Variants in FARSB observed in about 807,000 individuals in gnomAD.
The protein encoded by FARSB is phenylalanine--tRNA ligase beta subunit.
FARSB carries 40 observed loss-of-function variants against 69.6 expected under a neutral mutation model. The observed-to-expected ratio is 0.57, with a 90% CI of 0.45 to 0.75. The LOEUF is 0.75. Among genes scored for constraint, FARSB ranks in the 30% least tolerant of loss-of-function variants. The pLI, the probability that FARSB is intolerant of heterozygous loss-of-function variation, is 0.00. For synonymous variants in FARSB, 235 were observed against 247.2 expected (o/e 0.95, Z 0.46); for missense variants, 632 against 722.9 (o/e 0.87, Z 1.44).
rs150626158 is a variant in FARSB at position 222,571,257 on chromosome 2, G to C, written c.*614C>G. The C allele has an allele frequency of 6.6e-6, 1 of 152,260 alleles. No homozygotes were observed. Among genetic ancestry groups the C allele is most frequent in the East Asian group, 1.9e-4 (1 of 5,174 alleles). 9.4% of individuals were successfully genotyped at this position (152,260 alleles called of 1,614,324 possible). On this transcript the variant is annotated 3_prime_UTR_variant, in exon 17 of 17. Transcript: ENST00000281828. The stretch of plus-strand genomic sequence containing the variant: ...ATGTACTCTATCTTAGAGTATCACA[G>C]ATAGAGTAAAAAATACCTATGCACC...
intron 16 of FARSB, among the ~76,000 whole-genome samples, chr2:222,579,550 C>G (rs1689918920): frequency 1.3e-5 from 2 of 152,168 alleles, no homozygotes; most frequent in Non-Finnish European, 2.9e-5. Context: ...ACAAGTACCA[C>G]AGGGACACCA....
At chr2:222,584,739 A>G (rs994820822) in intron 16 of FARSB, among the ~76,000 whole-genome samples, 1 of 152,192 alleles carries the variant, frequency 6.6e-6, no homozygotes, top group Admixed American at 6.5e-5. Context: ...AGCCTCGCTC[A>G]CTGCTAGCAC....
intron 15 of FARSB, 113 bp from the exon 16 acceptor site, chr2:222,600,196 C>T: frequency 1.2e-6 from 1 of 803,932 alleles, no homozygotes; most frequent in South Asian, 1.9e-5. Flanking sequence ...AAATATTAAA[C>T]ATTCAGAGAA....
intron 2 of FARSB, among the ~76,000 whole-genome samples, chr2:222,646,687 T>C (rs1691869417): frequency 2.0e-5 from 3 of 152,242 alleles, no homozygotes; most frequent in Non-Finnish European, 2.9e-5. Context: ...TTAGTTGTGC[T>C]AAAATATCCA....
At chr2:222,572,984 A>G (rs1166981818) in intron 16 of FARSB, among the ~76,000 whole-genome samples, 1 of 152,222 alleles carries the variant, frequency 6.6e-6, no homozygotes, top group East Asian at 1.9e-4. Flanking sequence ...GGCATAAACT[A>G]TAAACACCCA....
chr2:222,619,254 C>T (rs1002660990), intron 14 of FARSB, among the ~76,000 whole-genome samples: 2 of 150,370 alleles, frequency 1.3e-5, no homozygotes, highest in East Asian at 2.0e-4. Context: ...TGCAGTGAGC[C>T]GAGATCGTGC....
At chr2:222,591,891 T>TA (rs1478139346) in intron 16 of FARSB, among the ~76,000 whole-genome samples, 2 of 152,190 alleles carry the variant, frequency 1.3e-5, no homozygotes, top group Non-Finnish European at 2.9e-5. Context: ...TACATGTAGA[T>TA]ACAAGAATGA....
intron 15 of FARSB, among the ~76,000 whole-genome samples, chr2:222,611,370 T>C (rs996765140): frequency 6.6e-6 from 1 of 150,790 alleles, no homozygotes; most frequent in Non-Finnish European, 1.5e-5. Context: ...CTAAAAGATA[T>C]ATGAACTGAG....
chr2:222,653,741 C>T (rs368475997), intron 1 of FARSB, among the ~76,000 whole-genome samples: 12 of 151,838 alleles, frequency 7.9e-5, no homozygotes, highest in Admixed American at 6.6e-4. Context: ...AGCGATCCTC[C>T]GGCCACAGCC....
intron 14 of FARSB, among the ~76,000 whole-genome samples, chr2:222,619,007 T>C (rs1208962365): frequency 6.6e-6 from 1 of 151,616 alleles, no homozygotes; most frequent in African/African-American, 2.4e-5. Flanking sequence ...CCGGGCGTAG[T>C]GGCGGGCGCC....
chr2:222,624,782 T>C lies in FARSB; in HGVS notation c.901-7A>G, dbSNP rs1559207778. 3 of 1,562,176 alleles carry C rather than the reference T, an allele frequency of 1.9e-6. No homozygotes were observed. Among genetic ancestry groups the C allele is most frequent in the South Asian group, 2.3e-5 (2 of 86,832 alleles). On this transcript the variant is annotated splice_polypyrimidine_tract_variant and splice_region_variant and intron_variant, in intron 10 of 16. Coordinates refer to ENST00000281828, the MANE Select transcript of FARSB (RefSeq NM_005687.5). Reference sequence around the variant, plus strand: ...CCTTTCGGTAAGCTAATTCCTTAAATAGAAAGAGTTTAAAAAGTAAATCAT... The same window carrying C: ...CCTTTCGGTAAGCTAATTCCTTAAACAGAAAGAGTTTAAAAAGTAAATCAT...
At chr2:222,582,533 G>T (rs1398713433) in intron 16 of FARSB, among the ~76,000 whole-genome samples, 1 of 152,128 alleles carries the variant, frequency 6.6e-6, no homozygotes, top group Non-Finnish European at 1.5e-5. Context: ...AAGTAATAAG[G>T]ATAAATTTTA....
At position 222,571,915 on chromosome 2, in the gene FARSB, T is replaced by C; in HGVS notation, c.1726A>G (p.Met576Val). The C allele has an allele frequency of 6.2e-7, 1 of 1,613,674 alleles. No individual in the cohort carries two copies. Among genetic ancestry groups the C allele is most frequent in the Non-Finnish European group, 8.5e-7 (1 of 1,179,810 alleles). The stretch of plus-strand genomic sequence containing the variant: ...TTGATTTCTAGGGAGGAGCAGGGCA[T>C]GGTCAGCTCAAATTTGGTGATAACG... ...PDVITKFELT[M>V]PCSSLEINVG... Residue 576 changes from methionine (M) to valine (V), a missense_variant, in exon 17 of 17, where the codon ATG (methionine) becomes GTG (valine). Transcript: ENST00000281828.
rs72966145 is a variant in FARSB at position 222,594,690 on chromosome 2, A to G, written c.1618+5238T>C. Among the ~76,000 whole-genome samples the G allele has an allele frequency of 9.4e-3, 1,426 of 152,312 alleles. 8 individuals are homozygous for G. Among genetic ancestry groups the G allele is most frequent in the Non-Finnish European group, 0.013 (894 of 68,026 alleles). On this transcript the variant is annotated intron_variant, in intron 16 of 16. Transcript: ENST00000281828. ...GGTTAAGAAACACTATTACTACAAT[A>G]TCTATCAGAGGGAATACCAAGCTGA...
At chr2:222,621,648 T>C (rs951056161) in intron 13 of FARSB, among the ~76,000 whole-genome samples, 1 of 152,202 alleles carries the variant, frequency 6.6e-6, no homozygotes, top group Non-Finnish European at 1.5e-5. Context: ...ATAAGCCAAC[T>C]TAAAAGTGAG....
chr2:222,589,369 G>A (rs983055844), intron 16 of FARSB, among the ~76,000 whole-genome samples: 18 of 152,052 alleles, frequency 1.2e-4, no homozygotes, highest in African/African-American at 4.1e-4. Flanking sequence ...AATTCAAGAT[G>A]GATTAAAGAC....
At position 222,619,687 on chromosome 2, in the gene FARSB, T is replaced by G; in HGVS notation, c.1302A>C (p.Thr434=). ...ADKLGVDISA[T]KAVHISNPKT... ...TAGGATTACTTATGTGGACTGCCTT[T>G]GTTGCAGAGATATCCACACCTAGTT... The change falls in exon 14 of 17, where the codon ACA becomes ACC. Residue 434 remains threonine (T), a synonymous_variant. Coordinates refer to ENST00000281828, the MANE Select transcript of FARSB (RefSeq NM_005687.5). 6.2e-7 allele frequency: 1 copy of G among 1,608,662 alleles called. No homozygotes were observed. Among genetic ancestry groups the G allele is most frequent in the South Asian group, 1.1e-5 (1 of 90,886 alleles).
Position 222,624,446 on chromosome 2 carries a change from G to A in FARSB, c.996C>T (p.Thr332=). Residue 332 remains threonine (T), a synonymous_variant, in exon 12 of 17, where the codon ACC becomes ACT. Transcript: ENST00000281828. ...ETPENLAKLL[T]RMYLKSEVIG... Reference sequence around the variant, plus strand: ...TGACTTCTGATTTTAAATACATCCTGGTCAGAAGTTTGGCAAGATTTTCTG... The same window carrying A: ...TGACTTCTGATTTTAAATACATCCTAGTCAGAAGTTTGGCAAGATTTTCTG... 1 of 1,612,978 alleles carries A rather than the reference G, an allele frequency of 6.2e-7. No individual in the cohort carries two copies. Among genetic ancestry groups the A allele is most frequent in the Non-Finnish European group, 8.5e-7 (1 of 1,179,076 alleles).
chr2:222,569,869 CTG>C lies in FARSB; in HGVS notation c.*2000_*2001del, dbSNP rs1308122617. The stretch of plus-strand genomic sequence containing the variant: ...CAATTTGTAACTACTATAAGTAACA[CTG>C]TGAACACTTGCATAAAAATCTTTGG... On this transcript the variant is annotated 3_prime_UTR_variant, in exon 17 of 17. Transcript: ENST00000281828. The C allele has an allele frequency of 6.6e-6, 1 of 152,156 alleles. No homozygotes were observed. Among genetic ancestry groups the C allele is most frequent in the African/African-American group, 2.4e-5 (1 of 41,440 alleles). 9.4% of individuals were successfully genotyped at this position (152,156 alleles called of 1,614,324 possible).
Sources: allele counts gnomAD v4.1 joint callset (sites outside exome capture counted in the v4.1 genomes callset), GRCh38; gene constraint gnomAD v4.1.1; transcripts MANE v1.5; gene names NCBI Gene and HGNC (gene_info 2026-07-23, HGNC 2026-07-21).